Variants in ADAM18 observed in about 807,000 individuals in gnomAD.
ADAM18 encodes disintegrin and metalloproteinase domain-containing protein 18.
ADAM18 carries 117 observed loss-of-function variants against 94.4 expected under a neutral mutation model. The ratio of observed to expected loss-of-function variants is 1.24; its 90% CI spans 1.07 to 1.45. The LOEUF (loss-of-function observed/expected upper bound fraction) is 1.45, where lower values mean the gene tolerates loss of function less well. ADAM18 is among the 40% of genes most tolerant of loss of function. The probability of loss-of-function intolerance (pLI) is 0.00; values close to 1 mark genes in which losing one functional copy is unlikely to be tolerated. For synonymous variants in ADAM18, 327 were observed against 291.6 expected (o/e 1.12, Z -1.24); for missense variants, 936 against 880.0 (o/e 1.06, Z -0.81).
At chr8:39,607,918 T>C (rs1819141201) in intron 3 of ADAM18, among the ~76,000 whole-genome samples, 1 of 152,070 alleles carries the variant, frequency 6.6e-6, no homozygotes, top group South Asian at 2.1e-4. Flanking sequence ...ATCTCTACCT[T>C]ATTCCTCTTA....
At chr8:39,720,069 C>T (rs966835295) in intron 18 of ADAM18, among the ~76,000 whole-genome samples, 1 of 121,554 alleles carries the variant, frequency 8.2e-6, no homozygotes, top group Admixed American at 9.0e-5. Context: ...TATAAATCAA[C>T]AGATGATGGC....
intron 7 of ADAM18, among the ~76,000 whole-genome samples, chr8:39,636,429 A>C (rs2129579256): frequency 6.6e-6 from 1 of 152,278 alleles, no homozygotes; most frequent in Non-Finnish European, 1.5e-5. Context: ...TTTAAATAAT[A>C]TTTTCAAGTG....
Position 39,610,716 on chromosome 8 carries a change from A to T in ADAM18, c.522+10A>T, listed in dbSNP as rs758728874. ...TCCTTTAAACTCACAGGTGACTGTC[A>T]TCATTCTGATGTTATGACATACTAG... On this transcript the variant is annotated intron_variant, in intron 6 of 19. Coordinates refer to ENST00000265707, the MANE Select transcript of ADAM18 (RefSeq NM_014237.3). The T allele has an allele frequency of 2.5e-6, 4 of 1,611,088 alleles. No homozygotes were observed. The highest frequency in any genetic ancestry group is 3.4e-6 in the Non-Finnish European group (4 of 1,178,794).
chr8:39,711,415 A>G (rs968025597), intron 18 of ADAM18, among the ~76,000 whole-genome samples: 1 of 152,176 alleles, frequency 6.6e-6, no homozygotes, highest in Non-Finnish European at 1.5e-5. Context: ...ATTAATTGAC[A>G]GAAATCATCC....
intron 18 of ADAM18, among the ~76,000 whole-genome samples, chr8:39,716,096 T>C (rs915648309): frequency 2.6e-5 from 4 of 152,062 alleles, no homozygotes; most frequent in African/African-American, 9.7e-5. Context: ...CTCTCTCTCT[T>C]TTTTCTAGGT....
chr8:39,639,927 C>T (rs1208657304), intron 10 of ADAM18, among the ~76,000 whole-genome samples: 1 of 151,948 alleles, frequency 6.6e-6, no homozygotes, highest in Non-Finnish European at 1.5e-5. Flanking sequence ...ATATTTTGCT[C>T]ATTTTGGTAG....
At chr8:39,659,666 C>T (rs941341565) in intron 12 of ADAM18, among the ~76,000 whole-genome samples, 1 of 151,858 alleles carries the variant, frequency 6.6e-6, no homozygotes, top group African/African-American at 2.4e-5. Context: ...TTTAATATAC[C>T]TCTTTCAGGC....
chr8:39,668,225 A>G lies in ADAM18; in HGVS notation c.1525+29A>G, dbSNP rs151211873. 2,403 of 1,608,258 alleles carry G rather than the reference A, an allele frequency of 1.5e-3. 37 individuals are homozygous for G. In the African/African-American group the frequency reaches 0.028, roughly 19 times the overall value. On this transcript the variant is annotated intron_variant, in intron 14 of 19. Coordinates refer to ENST00000265707, the MANE Select transcript of ADAM18 (RefSeq NM_014237.3). ...TTGCTCTTTCTTTCGTATTTATTTT[A>G]CCTTACATTTGCATCTCTCTGTAGA...
At chr8:39,627,289 G>A (rs900125091) in intron 6 of ADAM18, among the ~76,000 whole-genome samples, 1 of 152,082 alleles carries the variant, frequency 6.6e-6, no homozygotes, top group Non-Finnish European at 1.5e-5. Flanking sequence ...CATCTTACAT[G>A]TCAGCAGGCA....
chr8:39,623,658 G>A (rs558489906), intron 6 of ADAM18, among the ~76,000 whole-genome samples: 3 of 152,216 alleles, frequency 2.0e-5, no homozygotes, highest in Non-Finnish European at 2.9e-5. Flanking sequence ...GTGCAGTGGG[G>A]TGATCTCGGC....
At chr8:39,625,317 C>A (rs185239000) in intron 6 of ADAM18, among the ~76,000 whole-genome samples, 1 of 152,082 alleles carries the variant, frequency 6.6e-6, no homozygotes, top group African/African-American at 2.4e-5. Flanking sequence ...GGATTGAGAT[C>A]TCGATTTGAT....
intron 18 of ADAM18, among the ~76,000 whole-genome samples, chr8:39,715,228 C>T (rs1822536999): frequency 6.6e-6 from 1 of 151,944 alleles, no homozygotes; most frequent in East Asian, 1.9e-4. Flanking sequence ...ACAAATAACA[C>T]ATGGGTTAAA....
At chr8:39,625,077 A>G (rs898895569) in intron 6 of ADAM18, among the ~76,000 whole-genome samples, 1 of 152,178 alleles carries the variant, frequency 6.6e-6, no homozygotes, top group African/African-American at 2.4e-5. Context: ...TAATTCTGTG[A>G]AAACTGATCT....
At chr8:39,622,230 A>G (rs1819636480) in intron 6 of ADAM18, among the ~76,000 whole-genome samples, 1 of 150,942 alleles carries the variant, frequency 6.6e-6, no homozygotes, top group African/African-American at 2.4e-5. Flanking sequence ...GCAAAATTAT[A>G]TTCTCATTGA....
chr8:39,617,594 C>T (rs1819481403), intron 6 of ADAM18, among the ~76,000 whole-genome samples: 1 of 152,134 alleles, frequency 6.6e-6, no homozygotes, highest in African/African-American at 2.4e-5. Flanking sequence ...ATCTAGATGT[C>T]CATCAGTGAT....
chr8:39,608,969 G>A (rs1028190032), intron 3 of ADAM18, 73 bp from the exon 4 acceptor site: 41 of 838,916 alleles, frequency 4.9e-5, no homozygotes, highest in Non-Finnish European at 7.3e-5. Flanking sequence ...TATATAAAAT[G>A]TATGTAATAT....
At chr8:39,703,065 G>A (rs772917343) in intron 17 of ADAM18, among the ~76,000 whole-genome samples, 18 of 152,162 alleles carry the variant, frequency 1.2e-4, no homozygotes, top group Non-Finnish European at 2.2e-4. Flanking sequence ...TCTATAAATA[G>A]CTTTGGGCAG....
At chr8:39,647,029 T>C (rs961457885) in intron 11 of ADAM18, among the ~76,000 whole-genome samples, 12 of 151,690 alleles carry the variant, frequency 7.9e-5, no homozygotes, top group African/African-American at 2.2e-4. Context: ...TCTCGTCAGG[T>C]GGGACGAGAG....
At chr8:39,697,726 G>GT (rs917925459) in intron 17 of ADAM18, among the ~76,000 whole-genome samples, 2 of 151,596 alleles carry the variant, frequency 1.3e-5, no homozygotes, top group African/African-American at 4.8e-5. Context: ...TCTGATAAGT[G>GT]TTTTTTTGAA....
Sources: gnomAD v4.1 joint callset for allele counts (sites outside exome capture counted in the v4.1 genomes callset) on GRCh38, gnomAD v4.1.1 for gene constraint, MANE v1.5 for transcripts, NCBI Gene and HGNC (gene_info 2026-07-23, HGNC 2026-07-21) for gene names.